Variants in DIAPH2 observed in about 807,000 individuals in gnomAD.
The protein encoded by DIAPH2 is protein diaphanous homolog 2.
A neutral mutation model predicts 92.7 loss-of-function variants in DIAPH2; 35 were observed. The observed-to-expected ratio is 0.38, with a 90% CI of 0.29 to 0.50. The LOEUF is 0.50. Ranked by LOEUF, DIAPH2 falls within the 20% of genes least tolerant of loss-of-function variation. The pLI, the probability that DIAPH2 is intolerant of heterozygous loss-of-function variation, is 0.94. For synonymous variants in DIAPH2, 301 were observed against 280.4 expected (o/e 1.07, Z -0.73); for missense variants, 701 against 819.5 (o/e 0.86, Z 1.77).
chrX:97,022,146 A>G (rs1421207217), intron 17 of DIAPH2, among the ~76,000 whole-genome samples: 2 of 112,185 alleles, frequency 1.8e-5, no homozygotes, highest in Non-Finnish European at 3.8e-5. Context: ...TAGCCCTGAC[A>G]TCAAGCAAGT....
intron 4 of DIAPH2, among the ~76,000 whole-genome samples, chrX:96,876,026 C>T (rs1392792576): frequency 2.7e-5 from 3 of 109,781 alleles, no homozygotes; most frequent in African/African-American, 9.9e-5. Flanking sequence ...TGACAAAGGG[C>T]TAATATCCAG....
chrX:96,856,627 G>A (rs970312710), intron 4 of DIAPH2, among the ~76,000 whole-genome samples: 6 of 109,737 alleles, frequency 5.5e-5, no homozygotes, highest in Non-Finnish European at 1.1e-4. Context: ...AACACAATAA[G>A]CTTACTGATC....
intron 4 of DIAPH2, among the ~76,000 whole-genome samples, chrX:96,820,205 C>G (rs1372261695): frequency 3.6e-5 from 4 of 112,482 alleles, no homozygotes; most frequent in Non-Finnish European, 7.5e-5. Context: ...TGCAATGGCT[C>G]ACACCTGTAA....
intron 22 of DIAPH2, among the ~76,000 whole-genome samples, chrX:97,184,112 C>T (rs1315265618): frequency 8.9e-6 from 1 of 111,932 alleles, no homozygotes; most frequent in East Asian, 2.8e-4. Flanking sequence ...ACATGGAGCT[C>T]TTATTATAGT....
At chrX:96,875,929 A>G (rs1004540022) in intron 4 of DIAPH2, among the ~76,000 whole-genome samples, 1 of 111,453 alleles carries the variant, frequency 9.0e-6, no homozygotes, top group East Asian at 2.8e-4. Flanking sequence ...TAATTAAACT[A>G]AAGAGCTTCT....
intron 20 of DIAPH2, among the ~76,000 whole-genome samples, chrX:97,112,765 C>CTTTTTTTTTTTTTTTT (rs60721723): frequency 2.4e-4 from 9 of 37,236 alleles, no homozygotes; most frequent in African/African-American, 7.3e-4. Context: ...CCCTTTCTTT[C>CTTTTTTTTTTTTTTTT]TTTTTTTTTT....
chrX:97,226,040 G>A (rs1007173915), intron 22 of DIAPH2, among the ~76,000 whole-genome samples: 1 of 111,584 alleles, frequency 9.0e-6, no homozygotes, highest in Admixed American at 9.6e-5. Flanking sequence ...GTACTTAGCA[G>A]GATAAGAGAC....
chrX:96,751,657 T>TTTTTTG (rs1569383790), intron 3 of DIAPH2, among the ~76,000 whole-genome samples: 1 of 73,407 alleles, frequency 1.4e-5, no homozygotes, highest in African/African-American at 4.6e-5. Context: ...GTTTTGTTTT[T>TTTTTTG]TTTTTTTTTT....
intron 3 of DIAPH2, among the ~76,000 whole-genome samples, chrX:96,751,111 G>A (rs1348323021): frequency 1.8e-5 from 2 of 111,673 alleles, no homozygotes; most frequent in East Asian, 2.8e-4. Context: ...GAATGAATAG[G>A]CAGCTGGTTC....
chrX:97,396,437 T>C (rs753202863), intron 25 of DIAPH2, among the ~76,000 whole-genome samples: 377 of 110,795 alleles, frequency 3.4e-3, no homozygotes, highest in African/African-American at 0.012. Flanking sequence ...TTTGGGAGGC[T>C]GAGGCGGGCA....
intron 26 of DIAPH2, among the ~76,000 whole-genome samples, chrX:97,509,577 A>T (rs1481285679): frequency 1.0e-5 from 1 of 98,390 alleles, no homozygotes; most frequent in Non-Finnish European, 2.0e-5. Flanking sequence ...TTACATATGT[A>T]TACATGTGCC....
At chrX:97,555,588 T>G (rs1365678108) in intron 26 of DIAPH2, 2 of 220,898 alleles carry the variant, frequency 9.1e-6, no homozygotes, top group African/African-American at 6.1e-5. Context: ...AGAAAAGGAT[T>G]TCAGATAAAA....
chrX:97,419,198 T>C (rs905799319), intron 25 of DIAPH2, among the ~76,000 whole-genome samples: 3 of 111,789 alleles, frequency 2.7e-5, no homozygotes, highest in Non-Finnish European at 5.6e-5. Context: ...TAGTGGAGGC[T>C]ACGGGTGCAC....
intron 15 of DIAPH2, among the ~76,000 whole-genome samples, chrX:96,957,354 A>G (rs983923779): frequency 8.0e-5 from 9 of 112,093 alleles, no homozygotes; most frequent in Admixed American, 9.5e-5. Flanking sequence ...AAGAGGTTTA[A>G]TTTACTCAGT....
At chrX:96,749,586 A>T (rs2064174617) in intron 3 of DIAPH2, among the ~76,000 whole-genome samples, 1 of 111,976 alleles carries the variant, frequency 8.9e-6, no homozygotes, top group Admixed American at 9.5e-5. Flanking sequence ...TCAAGCAAAG[A>T]TTTCCTGCTG....
At chrX:96,912,307 A>C (rs745791519) in intron 5 of DIAPH2, 21 bp from the exon 6 acceptor site, 1 of 1,148,335 alleles carries the variant, frequency 8.7e-7, no homozygotes, top group Non-Finnish European at 1.2e-6. Flanking sequence ...TTATACATCT[A>C]ATTTTTTGTT....
At chrX:97,545,834 T>C (rs888041567) in intron 26 of DIAPH2, among the ~76,000 whole-genome samples, 1 of 104,434 alleles carries the variant, frequency 9.6e-6, no homozygotes, top group African/African-American at 3.5e-5. Context: ...CGGTGGTAAA[T>C]TGGATATCCA....
chrX:96,884,836 A>G, intron 5 of DIAPH2: 1 of 1,211,271 alleles, frequency 8.3e-7, no homozygotes, highest in South Asian at 1.8e-5. Flanking sequence ...TCGTGATACC[A>G]CTGTAGAAAG....
At chrX:97,577,757 A>G (rs943979548) in intron 26 of DIAPH2, among the ~76,000 whole-genome samples, 9 of 112,009 alleles carry the variant, frequency 8.0e-5, no homozygotes, top group African/African-American at 2.9e-4. Context: ...GTAAAAACAA[A>G]CAATTTTTAA....
Sources: allele counts gnomAD v4.1 joint callset (sites outside exome capture counted in the v4.1 genomes callset), GRCh38; gene constraint gnomAD v4.1.1; transcripts MANE v1.5; gene names NCBI Gene and HGNC (gene_info 2026-07-23, HGNC 2026-07-21).